The following KCNK10 variants were observed in gnomAD, a reference collection of about 807,000 sequenced individuals.
KCNK10 encodes potassium channel subfamily K member 10.
A neutral mutation model predicts 47.7 loss-of-function variants in KCNK10; 25 were observed. That is an observed-to-expected ratio of 0.52 (90% CI 0.38 to 0.73). The LOEUF is 0.73. Ranked by LOEUF, KCNK10 falls within the 30% of genes least tolerant of loss-of-function variation. KCNK10 has a pLI of 0.00. For synonymous variants in KCNK10, 303 were observed against 285.6 expected, an observed-to-expected ratio of 1.06 and a Z score of -0.61; for missense variants, 563 against 714.5, an observed-to-expected ratio of 0.79 and a Z score of 2.42.
rs1029701773 is a variant in KCNK10 at position 88,323,007 on chromosome 14, G to A, written c.-209C>T. 5 of 1,380,224 alleles carry A rather than the reference G, an allele frequency of 3.6e-6. No homozygotes were observed. Among genetic ancestry groups the A allele is most frequent in the Non-Finnish European group, 4.7e-6 (5 of 1,068,636 alleles). The allele number at this position is 1,380,224 out of a possible 1,614,324, so 85.5% of individuals were successfully genotyped here. A position where few individuals can be genotyped will look rare whatever the true frequency, so the allele number is the denominator to read the frequency against. On this transcript the variant is annotated 5_prime_UTR_variant, in exon 1 of 7. Coordinates refer to ENST00000319231, the MANE Select transcript of KCNK10 (RefSeq NM_138317.3). ...GGAGAGGGCTTGGGTGTTTGCACCG[G>A]CCAGGGGGTGGCCGGCCGCGGCCCC... is the stretch of plus-strand genomic sequence containing the variant.
At chr14:88,288,782 G>A (rs1016938572) in intron 1 of KCNK10, among the ~76,000 whole-genome samples, 6 of 152,226 alleles carry the variant, frequency 3.9e-5, no homozygotes, top group South Asian at 2.1e-4. Context: ...GGGACTGCAC[G>A]TGTGTTGTTC....
chr14:88,284,250 C>G (rs1396349925), intron 1 of KCNK10, among the ~76,000 whole-genome samples: 1 of 152,104 alleles, frequency 6.6e-6, no homozygotes, highest in African/African-American at 2.4e-5. Flanking sequence ...CGGCTTTGCA[C>G]TAACTAGCCC....
At chr14:88,231,801 C>T (rs1246348053) in intron 3 of KCNK10, among the ~76,000 whole-genome samples, 1 of 152,186 alleles carries the variant, frequency 6.6e-6, no homozygotes, top group Non-Finnish European at 1.5e-5. Context: ...TTGCTATACA[C>T]TTGTAAATCT....
At chr14:88,311,122 G>A (rs983139909) in intron 1 of KCNK10, among the ~76,000 whole-genome samples, 1 of 151,838 alleles carries the variant, frequency 6.6e-6, no homozygotes, top group African/African-American at 2.4e-5. Flanking sequence ...GCTTTTTTCT[G>A]TTAAAATATT....
At chr14:88,275,047 C>T (rs1157368024) in intron 1 of KCNK10, among the ~76,000 whole-genome samples, 4 of 152,138 alleles carry the variant, frequency 2.6e-5, no homozygotes, top group Admixed American at 2.0e-4. Context: ...CTCCCTCATG[C>T]CCCCAGCCTC....
chr14:88,199,973 CTT>C (rs1451811056), intron 4 of KCNK10, among the ~76,000 whole-genome samples: 1 of 147,862 alleles, frequency 6.8e-6, no homozygotes, highest in African/African-American at 2.4e-5. Flanking sequence ...CTTTCTTTCT[CTT>C]TCTTTCTTTC....
In KCNK10 at chr14:88,267,120, A is replaced by C. The variant is rs185433001; in HGVS notation, c.53-3569T>G. 5.9e-5 allele frequency among the ~76,000 whole-genome samples: 9 copies of C among 152,320 alleles called. No individual in the cohort carries two copies. The East Asian group carries it at 1.7e-3, about 29-fold the overall frequency. On this transcript the variant is annotated intron_variant, in intron 1 of 6. Coordinates refer to ENST00000319231, the MANE Select transcript of KCNK10 (RefSeq NM_138317.3). ...TCTGTTTGCTTACTGTGAAATGTGA[A>C]TAATAGCAGCCATCTTTTTTTCTAA...
Position 88,184,825 on chromosome 14 carries a change from A to C in KCNK10, c.*710T>G, listed in dbSNP as rs966974532. 4 of 152,420 alleles carry C rather than the reference A, an allele frequency of 2.6e-5. No homozygotes were observed. Among genetic ancestry groups the C allele is most frequent in the African/African-American group, 9.6e-5 (4 of 41,456 alleles). 9.4% of individuals were successfully genotyped at this position (152,420 alleles called of 1,614,324 possible). A position where few individuals can be genotyped will look rare whatever the true frequency, so the allele number is the denominator to read the frequency against. On this transcript the variant is annotated 3_prime_UTR_variant, in exon 7 of 7. Coordinates refer to ENST00000319231, the MANE Select transcript of KCNK10 (RefSeq NM_138317.3). Reference sequence around the variant, plus strand: ...TTCATGTGGACTACCTACCCCTGTGAGAAAGACCAAACTCAGCAGGCTTCT... The same window carrying C: ...TTCATGTGGACTACCTACCCCTGTGCGAAAGACCAAACTCAGCAGGCTTCT...
Position 88,182,032 on chromosome 14 carries a change from A to AT in KCNK10, c.*3502_*3503insA. ...CCAGAGATGGCCCAACACCACCCCA[A>AT]CCCGCACACACACACACACACACAC... On this transcript the variant is annotated 3_prime_UTR_variant, in exon 7 of 7. Transcript: ENST00000319231. The AT allele has an allele frequency of 1.3e-5, 1 of 79,060 alleles. No homozygotes were observed. Among genetic ancestry groups the AT allele is most frequent in the East Asian group, 3.4e-4 (1 of 2,950 alleles). The allele number at this position is 79,060 out of a possible 1,614,324, so 4.9% of individuals were successfully genotyped here. A position where few individuals can be genotyped will look rare whatever the true frequency, so the allele number is the denominator to read the frequency against.
chr14:88,306,114 A>G (rs1248967565), intron 1 of KCNK10, among the ~76,000 whole-genome samples: 2 of 152,212 alleles, frequency 1.3e-5, no homozygotes, highest in Non-Finnish European at 2.9e-5. Context: ...AGGGACAGGC[A>G]CTGGAACATC....
upstream of KCNK10, among the ~76,000 whole-genome samples, chr14:88,326,232 C>A (rs7142312): frequency 8.9e-5 from 13 of 145,384 alleles, no homozygotes; most frequent in African/African-American, 3.3e-4. Context: ...ATCCCAGTAC[C>A]GTTTCCCAAA....
upstream of KCNK10, among the ~76,000 whole-genome samples, chr14:88,324,533 T>C (rs1240997698): frequency 6.6e-6 from 1 of 152,178 alleles, no homozygotes; most frequent in Non-Finnish European, 1.5e-5. Context: ...ACATATATAT[T>C]GAACCCCTTC....
intron 1 of KCNK10, among the ~76,000 whole-genome samples, chr14:88,270,290 T>C (rs921966914): frequency 6.6e-6 from 1 of 152,156 alleles, no homozygotes; most frequent in African/African-American, 2.4e-5. Flanking sequence ...GGATTCCACC[T>C]CGGGTGCTCC....
chr14:88,276,518 G>A (rs990172331), intron 1 of KCNK10, among the ~76,000 whole-genome samples: 2 of 151,892 alleles, frequency 1.3e-5, no homozygotes, highest in Non-Finnish European at 2.9e-5. Context: ...TACCCTCATC[G>A]CTCCCACATC....
At chr14:88,269,851 A>G (rs1303370119) in intron 1 of KCNK10, among the ~76,000 whole-genome samples, 2 of 152,188 alleles carry the variant, frequency 1.3e-5, no homozygotes, top group Admixed American at 1.3e-4. Context: ...GCAACCTATG[A>G]CAAGCTAACA....
At chr14:88,259,101 C>T (rs1033878812) in intron 2 of KCNK10, among the ~76,000 whole-genome samples, 1 of 152,160 alleles carries the variant, frequency 6.6e-6, no homozygotes, top group Non-Finnish European at 1.5e-5. Context: ...AAAACCCTTC[C>T]AGATGTGAAA....
At chr14:88,249,713 G>A (rs1328710614) in intron 2 of KCNK10, among the ~76,000 whole-genome samples, 2 of 152,174 alleles carry the variant, frequency 1.3e-5, no homozygotes, top group African/African-American at 4.8e-5. Context: ...CCACTTCATA[G>A]GATCAATGTA....
chr14:88,236,503 C>T (rs1417389238), intron 3 of KCNK10, among the ~76,000 whole-genome samples: 1 of 152,136 alleles, frequency 6.6e-6, no homozygotes, highest in Non-Finnish European at 1.5e-5. Context: ...ATGAGATAAA[C>T]CACAGCAAAA....
chr14:88,248,329 A>T (rs1886698346), intron 2 of KCNK10, among the ~76,000 whole-genome samples: 1 of 152,230 alleles, frequency 6.6e-6, no homozygotes, highest in Admixed American at 6.5e-5. Flanking sequence ...TTAGATGATT[A>T]ATAACATCAT....
Sources: gnomAD v4.1 joint callset for allele counts (sites outside exome capture counted in the v4.1 genomes callset) on GRCh38, gnomAD v4.1.1 for gene constraint, MANE v1.5 for transcripts, NCBI Gene and HGNC (gene_info 2026-07-23, HGNC 2026-07-21) for gene names.